Variants in KMT2C observed in about 807,000 individuals in gnomAD.
The protein encoded by KMT2C is histone-lysine N-methyltransferase 2C.
In KMT2C, 88 loss-of-function variants were observed where a neutral mutation model predicts 507.9. The ratio of observed to expected loss-of-function variants is 0.17; its 90% CI spans 0.15 to 0.21. The LOEUF (loss-of-function observed/expected upper bound fraction) is 0.21, where lower values mean the gene tolerates loss of function less well. Ranked by LOEUF, KMT2C falls within the 10% of genes least tolerant of loss-of-function variation. The probability of loss-of-function intolerance (pLI) is 1.00; values close to 1 mark genes in which losing one functional copy is unlikely to be tolerated. For missense variants in KMT2C, 4,954 were observed against 5,957.8 expected (o/e 0.83, Z 5.55); for synonymous variants, 2,049 against 2,080.8 (o/e 0.98, Z 0.42).
At chr7:152,198,387 C>T (rs2094028206) in intron 27 of KMT2C, among the ~76,000 whole-genome samples, 1 of 152,158 alleles carries the variant, frequency 6.6e-6, no homozygotes, top group African/African-American at 2.4e-5. Context: ...CATCCAAAGT[C>T]ATTTTTCAGT....
At chr7:152,282,985 G>A (rs577540860) in intron 6 of KMT2C, among the ~76,000 whole-genome samples, 1 of 151,770 alleles carries the variant, frequency 6.6e-6, no homozygotes, top group Non-Finnish European at 1.5e-5. Flanking sequence ...TATCCTACCT[G>A]GTATCTCTCC....
At chr7:152,311,120 T>C (rs1311146174) in intron 5 of KMT2C, among the ~76,000 whole-genome samples, 2 of 152,196 alleles carry the variant, frequency 1.3e-5, no homozygotes, top group Non-Finnish European at 2.9e-5. Flanking sequence ...ATATATGTAT[T>C]TGATATGTTT....
Position 152,313,664 on chromosome 7 carries a change from C to A in KMT2C, c.590+1474G>T, listed in dbSNP as rs1408391490. On this transcript the variant is annotated intron_variant, in intron 4 of 58. Coordinates refer to ENST00000262189, the MANE Select transcript of KMT2C (RefSeq NM_170606.3). ...CTATTTAAACTTCATTAGCAACATA[C>A]ATTTTGTAAATATTTGAAATCATTA... 3.3e-5 allele frequency among the ~76,000 whole-genome samples: 5 copies of A among 152,066 alleles called. No homozygotes were observed. In the South Asian group the frequency reaches 1.0e-3, roughly 31 times the overall value.
intron 1 of KMT2C, among the ~76,000 whole-genome samples, chr7:152,373,357 T>C (rs1255062020): frequency 6.6e-6 from 1 of 152,234 alleles, no homozygotes; most frequent in Non-Finnish European, 1.5e-5. Context: ...GCACTCAATA[T>C]ATGTTTTGTT....
chr7:152,326,954 G>C (rs2096834647), intron 3 of KMT2C, among the ~76,000 whole-genome samples: 1 of 152,220 alleles, frequency 6.6e-6, no homozygotes, highest in Non-Finnish European at 1.5e-5. Flanking sequence ...GTGGGACAGA[G>C]AGATAAAAAT....
intron 6 of KMT2C, among the ~76,000 whole-genome samples, chr7:152,302,597 A>G (rs1408433714): frequency 1.3e-5 from 2 of 152,104 alleles, no homozygotes; most frequent in African/African-American, 4.8e-5. Context: ...GGGGGGCAAT[A>G]CTGGGAATAG....
intron 6 of KMT2C, among the ~76,000 whole-genome samples, chr7:152,305,925 A>G (rs2096612260): frequency 6.6e-6 from 1 of 152,178 alleles, no homozygotes; most frequent in Non-Finnish European, 1.5e-5. Context: ...AGCACTAGGT[A>G]TTCTCAATGC....
intron 6 of KMT2C, among the ~76,000 whole-genome samples, chr7:152,284,318 A>G (rs73483040): frequency 6.6e-6 from 1 of 152,134 alleles, no homozygotes; most frequent in African/African-American, 2.4e-5. Context: ...TATTCAATTA[A>G]TTTTTGACCA....
rs1322723294 is a variant in KMT2C at position 152,179,898 on chromosome 7, T to C, written c.7378A>G (p.Lys2460Glu). ...PLGPRYAVFP[K>E]DQRGPYPPDV... is the part of the protein sequence containing the mutation. Reference sequence around the variant, plus strand: ...GGAGGATAGGGTCCACGCTGATCTTTTGGGAAAACAGCATATCTAGGTCCT... The same window carrying C: ...GGAGGATAGGGTCCACGCTGATCTTCTGGGAAAACAGCATATCTAGGTCCT... The change falls in exon 37 of 59, where the codon AAA becomes GAA. Residue 2460 changes from lysine (K) to glutamate (E), a missense_variant. Transcript: ENST00000262189. The C allele has an allele frequency of 5.0e-6, 8 of 1,613,906 alleles. No homozygotes were observed. Among genetic ancestry groups the C allele is most frequent in the Non-Finnish European group, 2.5e-6 (3 of 1,179,966 alleles).
At chr7:152,331,295 G>C (rs998561307) in intron 2 of KMT2C, among the ~76,000 whole-genome samples, 1 of 151,066 alleles carries the variant, frequency 6.6e-6, no homozygotes, top group African/African-American at 2.4e-5. Context: ...AGGTGACAAA[G>C]CCAGACCCTG....
chr7:152,235,957 C>A (rs753033529), intron 15 of KMT2C, 24 bp from the exon 16 acceptor site: 4 of 1,499,768 alleles, frequency 2.7e-6, no homozygotes, highest in South Asian at 2.3e-5. Context: ...TGGGAAAAGT[C>A]AACATTCTGT....
chr7:152,348,513 C>T (rs1044736376), intron 2 of KMT2C, among the ~76,000 whole-genome samples: 14 of 148,238 alleles, frequency 9.4e-5, no homozygotes, highest in East Asian at 2.0e-4. Flanking sequence ...GTAAGAGAAT[C>T]GCCTGAACCC....
rs1460061690 is a variant in KMT2C at position 152,149,128 on chromosome 7, A to G, written c.12799T>C (p.Ser4267Pro). The stretch of plus-strand genomic sequence containing the variant: ...TTGGAAGGCGTTTCTCTCATAGGTG[A>G]TTGTGGCAATGAAGGAATGGATTCC... ...NKESIPSLPQ[S>P]PMRETPSKAF... is the part of the protein sequence containing the mutation. Residue 4267 changes from serine (S) to proline (P), a missense_variant, in exon 52 of 59, where the codon TCA becomes CCA. Physicochemically the swap from Ser to Pro is moderately conservative, Grantham distance 74. Transcript: ENST00000262189. 2 of 1,465,092 alleles carry G rather than the reference A, an allele frequency of 1.4e-6. No homozygotes were observed. The highest frequency in any genetic ancestry group is 1.8e-6 in the Non-Finnish European group (2 of 1,109,316). 90.8% of individuals were successfully genotyped at this position (1,465,092 alleles called of 1,614,324 possible). A position where few individuals can be genotyped will look rare whatever the true frequency, so the allele number is the denominator to read the frequency against.
chr7:152,187,116 G>A, intron 33 of KMT2C, 146 bp downstream of exon 33: 1 of 648,790 alleles, frequency 1.5e-6, no homozygotes, highest in Non-Finnish European at 2.7e-6. Context: ...AATGCAAGAT[G>A]TTTCTAGACA....
chr7:152,183,806 G>T (rs1438220959), intron 34 of KMT2C, among the ~76,000 whole-genome samples: 1 of 152,172 alleles, frequency 6.6e-6, no homozygotes, highest in African/African-American at 2.4e-5. Flanking sequence ...TGAGGCAGGA[G>T]AATCACTTGA....
At chr7:152,259,789 C>A (rs2095737718) in intron 9 of KMT2C, among the ~76,000 whole-genome samples, 1 of 152,216 alleles carries the variant, frequency 6.6e-6, no homozygotes, top group Non-Finnish European at 1.5e-5. Flanking sequence ...TGTGGGGGCA[C>A]ACTGATTTGT....
At chr7:152,310,116 T>TA (rs749554466) in intron 5 of KMT2C, 41 bp from the exon 6 acceptor site, 4 of 1,294,796 alleles carry the variant, frequency 3.1e-6, no homozygotes, top group South Asian at 1.3e-5. Context: ...GAGCAAACAT[T>TA]AAAAAAATTA....
Position 152,135,149 on chromosome 7 carries a change from A to G in KMT2C, c.*1683T>C, listed in dbSNP as rs12673423. The G allele has an allele frequency of 6.4e-4, 145 of 225,468 alleles. 1 individual carries two copies. In the East Asian group the frequency reaches 8.6e-3, roughly 13 times the overall value. The allele number at this position is 225,468 out of a possible 1,614,324, so 14.0% of individuals were successfully genotyped here. ...AATATTCAGGAAACAAATTTCATAC[A>G]GCTATTTATCAAGAGAAAAATATAT... is the stretch of plus-strand genomic sequence containing the variant. On this transcript the variant is annotated 3_prime_UTR_variant, in exon 59 of 59. Coordinates refer to ENST00000262189, the MANE Select transcript of KMT2C (RefSeq NM_170606.3).
intron 14 of KMT2C, among the ~76,000 whole-genome samples, chr7:152,246,038 T>C (rs2095467563): frequency 6.6e-6 from 1 of 152,178 alleles, no homozygotes; most frequent in Non-Finnish European, 1.5e-5. Flanking sequence ...GAAATTCATG[T>C]AACAGAATAC....
Sources: allele counts gnomAD v4.1 joint callset (sites outside exome capture counted in the v4.1 genomes callset), GRCh38; gene constraint gnomAD v4.1.1; transcripts MANE v1.5; gene names NCBI Gene and HGNC (gene_info 2026-07-23, HGNC 2026-07-21).